The following GALK2 variants were observed in gnomAD, a reference collection of about 807,000 sequenced individuals.
GALK2 encodes the protein N-acetylgalactosamine kinase.
A neutral mutation model predicts 52.4 loss-of-function variants in GALK2; 36 were observed. That is an observed-to-expected ratio of 0.69 (90% CI 0.53 to 0.91). GALK2 has a LOEUF of 0.91. GALK2 is among the 40% of genes least tolerant of loss of function. The pLI is 0.00. For synonymous variants in GALK2, 176 were observed against 199.1 expected, an observed-to-expected ratio of 0.88 and a Z score of 0.98; for missense variants, 579 against 559.1, an observed-to-expected ratio of 1.04 and a Z score of -0.36.
At chr15:49,197,060 C>T (rs899435355) in intron 1 of GALK2, among the ~76,000 whole-genome samples, 1 of 152,210 alleles carries the variant, frequency 6.6e-6, no homozygotes, top group Admixed American at 6.5e-5. Flanking sequence ...GCCCATTGAA[C>T]TTTAGCCTGG....
At chr15:49,335,119 G>T (rs1284880035), downstream of GALK2, among the ~76,000 whole-genome samples, 2 of 152,108 alleles carry the variant, frequency 1.3e-5, no homozygotes, top group Non-Finnish European at 2.9e-5. Flanking sequence ...GCTTATCTTT[G>T]TAAATGGACG....
chr15:49,255,153 T>C (rs141138862), intron 5 of GALK2, among the ~76,000 whole-genome samples: 3,050 of 143,492 alleles, frequency 0.021, 472 homozygotes, highest in Non-Finnish European at 0.032. Context: ...GCAGTTCATA[T>C]TCAAATTTCC....
Position 49,199,365 on chromosome 15 carries a change from G to A in GALK2, c.54-1797G>A, listed in dbSNP as rs561147857. Among the ~76,000 whole-genome samples, 7 of 151,782 alleles carry A rather than the reference G, an allele frequency of 4.6e-5. No homozygotes were observed. The South Asian group carries it at 1.5e-3, about 32-fold the overall frequency. On this transcript the variant is annotated intron_variant, in intron 1 of 9. Coordinates refer to ENST00000560031, the MANE Select transcript of GALK2 (RefSeq NM_002044.4). ...ACAAAGTTTTTGTATACTTTTATTT[G>A]TTCTTGTTTTGTTTTTTGAGGATGT... is the stretch of plus-strand genomic sequence containing the variant.
At chr15:49,241,061 A>T (rs139058805) in intron 5 of GALK2, among the ~76,000 whole-genome samples, 1 of 152,272 alleles carries the variant, frequency 6.6e-6, no homozygotes, top group African/African-American at 2.4e-5. Flanking sequence ...AGACTCAAAG[A>T]TTATATCGGT....
At chr15:49,269,693 G>A (rs777769396) in intron 5 of GALK2, among the ~76,000 whole-genome samples, 14 of 152,146 alleles carry the variant, frequency 9.2e-5, no homozygotes, top group Admixed American at 2.0e-4. Flanking sequence ...CTCTCCCTAT[G>A]TGCATTTTTA....
chr15:49,243,585 T>C (rs1384628215), intron 5 of GALK2, among the ~76,000 whole-genome samples: 1 of 151,904 alleles, frequency 6.6e-6, no homozygotes, highest in Non-Finnish European at 1.5e-5. Flanking sequence ...CATCAAAGTA[T>C]AGTAAGATTT....
intron 1 of GALK2, among the ~76,000 whole-genome samples, chr15:49,192,257 C>T (rs375758609): frequency 1.2e-4 from 18 of 151,824 alleles, no homozygotes; most frequent in East Asian, 9.7e-4. Context: ...GTAATTATCC[C>T]AGGCCATCTC....
chr15:49,200,724 G>C (rs541806774), intron 1 of GALK2, among the ~76,000 whole-genome samples: 13 of 152,248 alleles, frequency 8.5e-5, no homozygotes, highest in Non-Finnish European at 1.6e-4. Flanking sequence ...AATCTCTGTT[G>C]TGTTAAGCCA....
intron 5 of GALK2, among the ~76,000 whole-genome samples, chr15:49,246,887 C>T (rs562792287): frequency 6.6e-6 from 1 of 152,272 alleles, no homozygotes; most frequent in Non-Finnish European, 1.5e-5. Context: ...ATGCGTTGTT[C>T]TAGGCACTGG....
intron 3 of GALK2, among the ~76,000 whole-genome samples, chr15:49,221,158 A>G (rs761048339): frequency 2.0e-5 from 3 of 149,850 alleles, no homozygotes; most frequent in Non-Finnish European, 4.5e-5. Context: ...ATCTTTGGCT[A>G]TATCCTAAAG....
intron 5 of GALK2, among the ~76,000 whole-genome samples, chr15:49,242,004 A>G (rs2091119026): frequency 1.3e-5 from 2 of 152,122 alleles, no homozygotes. Flanking sequence ...CTAAGGACTG[A>G]GCATAATTAT....
At chr15:49,367,692 C>CTAA in exon 4 of GALK2, 1 of 1,222,980 alleles carries the variant, frequency 8.2e-7, no homozygotes, top group Non-Finnish European at 1.1e-6. Flanking sequence ...TCATATTTAG[C>CTAA]ATAAAGTTAC....
chr15:49,167,088 T>A, upstream of GALK2, among the ~76,000 whole-genome samples: 1 of 152,194 alleles, frequency 6.6e-6, no homozygotes, highest in East Asian at 1.9e-4. Context: ...TGGATCAAGT[T>A]TTTGTATTCT....
chr15:49,305,285 G>A (rs2035454985), intron 8 of GALK2, among the ~76,000 whole-genome samples: 1 of 152,166 alleles, frequency 6.6e-6, no homozygotes, highest in African/African-American at 2.4e-5. Context: ...GACACTAACA[G>A]TTTAACCATA....
chr15:49,241,870 C>T (rs16962174), intron 5 of GALK2, among the ~76,000 whole-genome samples: 9,179 of 126,390 alleles, frequency 0.073, 551 homozygotes, highest in African/African-American at 0.18. Context: ...TTTTCAAAGT[C>T]GGAAATAGCA....
chr15:49,221,148 A>G (rs2089764387), intron 3 of GALK2, among the ~76,000 whole-genome samples: 1 of 151,642 alleles, frequency 6.6e-6, no homozygotes, highest in Non-Finnish European at 1.5e-5. Flanking sequence ...TAGTCATAAA[A>G]TCTTTGGCTA....
intron 1 of GALK2, among the ~76,000 whole-genome samples, chr15:49,159,820 G>T (rs1362396519): frequency 6.6e-6 from 1 of 152,092 alleles, no homozygotes; most frequent in Non-Finnish European, 1.5e-5. Flanking sequence ...TAGTGGACAT[G>T]TATATACCCA....
intron 1 of GALK2, among the ~76,000 whole-genome samples, chr15:49,184,814 A>G (rs969462320): frequency 2.6e-5 from 4 of 152,044 alleles, no homozygotes; most frequent in Non-Finnish European, 5.9e-5. Context: ...CTTATTGTCT[A>G]TGTCTTGAGA....
intron 1 of GALK2, 39 bp from the exon 2 acceptor site, chr15:49,201,123 G>A: frequency 9.2e-7 from 1 of 1,092,372 alleles, no homozygotes; most frequent in Non-Finnish European, 1.4e-6. Flanking sequence ...CGGATTTTCT[G>A]TTATATGATA....
Sources: gnomAD v4.1 joint callset for allele counts (sites outside exome capture counted in the v4.1 genomes callset) on GRCh38, gnomAD v4.1.1 for gene constraint, MANE v1.5 for transcripts, NCBI Gene and HGNC (gene_info 2026-07-23, HGNC 2026-07-21) for gene names.